The following KHNYN variants were observed in gnomAD, a reference collection of about 807,000 sequenced individuals.
KHNYN encodes the protein protein KHNYN.
In KHNYN, 42 loss-of-function variants were observed where a neutral mutation model predicts 62.7. That is an observed-to-expected ratio of 0.67 (90% CI 0.52 to 0.87). KHNYN has a LOEUF of 0.87. Among genes scored for constraint, KHNYN ranks in the 40% least tolerant of loss-of-function variants. KHNYN has a pLI of 0.00. For missense variants in KHNYN, 829 were observed against 874.1 expected (o/e 0.95, Z 0.65); for synonymous variants, 347 against 345.6 (o/e 1.00, Z -0.04).
upstream of KHNYN, chr14:24,428,274 T>C (rs2043044032): frequency 6.2e-7 from 1 of 1,613,278 alleles, no homozygotes; most frequent in Non-Finnish European, 8.5e-7. Context: ...TGGGGGCCAG[T>C]GCTGAGGTCA....
chr14:24,432,074 GT>G lies in KHNYN; in HGVS notation c.814del (p.Trp272GlyfsTer31), dbSNP rs1566497862. On this transcript the variant is annotated frameshift_variant, in exon 3 of 8. Transcript: ENST00000553935. LOFTEE classifies it high-confidence loss of function. This position sits in a 1 kb window ranked among gnomAD's most constrained non-coding sequence, Gnocchi z 5.6. ...QGGPREMDWG[W>X]KELPGEEAWE... is the part of the protein sequence containing the mutation. ...GTGGTCCCAGGGAGATGGATTGGGG[GT>G]GGAAGGAGTTGCCTGGGGAAGAGGC... 6.4e-7 allele frequency: 1 copy of G among 1,567,272 alleles called. No individual in the cohort carries two copies. The highest frequency in any genetic ancestry group is 8.7e-7 in the Non-Finnish European group (1 of 1,155,060).
upstream of KHNYN, chr14:24,429,044 G>T: frequency 6.6e-7 from 1 of 1,508,768 alleles, no homozygotes; most frequent in Admixed American, 2.2e-5. Flanking sequence ...GTGTGGCTTG[G>T]CTCCCAACAT....
chr14:24,430,832 C>G lies in KHNYN; in HGVS notation c.102C>G (p.Ile34Met). Residue 34 changes from isoleucine (I) to methionine (M), a missense_variant, in exon 2 of 8, where the codon ATC (isoleucine) becomes ATG (methionine). Ile to Met is a conservative substitution (Grantham distance 10). Transcript: ENST00000553935. ...VREQQPHVER[I>M]FSVGVSVLPK... ...AACAGCAGCCCCATGTGGAGCGCATCTTCAGCGTGGGGGTGAGCGTCCTTC... is the reference window on the plus strand; with the variant it reads ...AACAGCAGCCCCATGTGGAGCGCATGTTCAGCGTGGGGGTGAGCGTCCTTC... 6.2e-7 allele frequency: 1 copy of G among 1,613,280 alleles called. No homozygotes were observed. Among genetic ancestry groups the G allele is most frequent in the South Asian group, 1.1e-5 (1 of 90,804 alleles).
chr14:24,434,981 A>G (rs2043183424), intron 5 of KHNYN, among the ~76,000 whole-genome samples: 2 of 152,176 alleles, frequency 1.3e-5, no homozygotes, highest in African/African-American at 2.4e-5. Flanking sequence ...TTTGTGGGAA[A>G]GGAGAGATTT....
At chr14:24,428,094 G>T, upstream of KHNYN, 1 of 1,357,092 alleles carries the variant, frequency 7.4e-7, no homozygotes, top group Non-Finnish European at 1.0e-6. Context: ...GGCTCTCCCG[G>T]GAGGGCTGAG....
chr14:24,436,166 A>G lies in KHNYN; in HGVS notation c.1672A>G (p.Ile558Val). The G allele has an allele frequency of 6.2e-7, 1 of 1,613,564 alleles. No individual in the cohort carries two copies. The highest frequency in any genetic ancestry group is 8.5e-7 in the Non-Finnish European group (1 of 1,179,548). ...LAEESEKWMA[I>V]IRERLLPFTF... ...GGAGGAGTCTGAGAAGTGGATGGCA[A>G]TCATCAGAGAACGGTGAGGGAGCCC... The change falls in exon 6 of 8, where the codon ATC becomes GTC. Residue 558 changes from isoleucine (I) to valine (V), a missense_variant. Transcript: ENST00000553935.
chr14:24,428,050 C>T, upstream of KHNYN: 1 of 1,525,452 alleles, frequency 6.6e-7, no homozygotes, highest in Non-Finnish European at 8.9e-7. Flanking sequence ...CCCACTTTCC[C>T]AGGAGCTTCC....
rs1264437936 is a variant in KHNYN, at chr14:24,437,134, T to C, written c.1886T>C (p.Ile629Thr). The C allele has an allele frequency of 1.2e-6, 2 of 1,614,140 alleles. No homozygotes were observed. The highest frequency in any genetic ancestry group is 1.7e-6 in the Non-Finnish European group (2 of 1,180,020). ...GAAGAGGAAAAAGGTAGTGGTGGCA[T>C]TCGGAAGACCCGGGAAACAGAGCGG... The part of the protein sequence containing the change: ...GREEEKGSGG[I>T]RKTRETERLR... The change falls in exon 8 of 8, where the codon ATT becomes ACT. Residue 629 changes from isoleucine (I) to threonine (T), a missense_variant. Around this residue, in one of 2 missense-constraint regions of KHNYN, gnomAD observed 270 missense variants for 347.1 expected, o/e 0.78. Coordinates refer to ENST00000553935, the MANE Select transcript of KHNYN (RefSeq NM_015299.3). The surrounding 1 kb of genome is among the most constrained non-coding windows in gnomAD (Gnocchi z 5.5).
upstream of KHNYN, chr14:24,428,941 G>A (rs371680375): frequency 9.6e-6 from 15 of 1,554,626 alleles, no homozygotes; most frequent in African/African-American, 2.7e-5. Flanking sequence ...CCAGCAGGAC[G>A]GGCTCTGACC....
At position 24,441,839 on chromosome 14, in the gene KHNYN, G is replaced by T; in HGVS notation, c.*4554G>T. The T allele has an allele frequency of 6.3e-7, 1 of 1,583,174 alleles. No individual in the cohort carries two copies. The highest frequency in any genetic ancestry group is 8.6e-7 in the Non-Finnish European group (1 of 1,164,508). ...AAATAAAAAGCCACTAAATACATAA[G>T]TGCACATATCCCTCTCTCTGTCTTT... On this transcript the variant is annotated 3_prime_UTR_variant, in exon 8 of 8. Transcript: ENST00000553935.
chr14:24,424,733 C>A (rs943019252), upstream of KHNYN, among the ~76,000 whole-genome samples: 21 of 152,274 alleles, frequency 1.4e-4, no homozygotes, highest in Middle Eastern at 3.4e-3. Context: ...GGGCTAGGAC[C>A]TAAGTCCTAC....
intron 5 of KHNYN, among the ~76,000 whole-genome samples, chr14:24,435,116 G>A (rs2043185641): frequency 6.6e-6 from 1 of 152,186 alleles, no homozygotes; most frequent in Admixed American, 6.5e-5. Context: ...ACTGAATGGA[G>A]CCCAGGCATT....
Position 24,439,430 on chromosome 14 carries a change from T to TG in KHNYN, c.*2146dup, listed in dbSNP as rs2043258755. ...ACCACTGTGTGGTTAGTAATGCACT[T>TG]GCCATTTGGTGACACAGACTGAAGG... On this transcript the variant is annotated 3_prime_UTR_variant, in exon 8 of 8. Transcript: ENST00000553935. The TG allele has an allele frequency of 6.6e-6, 1 of 152,232 alleles. No homozygotes were observed. The highest frequency in any genetic ancestry group is 2.4e-5 in the African/African-American group (1 of 41,448). 9.4% of individuals were successfully genotyped at this position (152,232 alleles called of 1,614,324 possible). A position where few individuals can be genotyped will look rare whatever the true frequency, so the allele number is the denominator to read the frequency against.
chr14:24,436,623 T>A, intron 7 of KHNYN, 134 bp downstream of exon 7: 1 of 646,618 alleles, frequency 1.5e-6, no homozygotes, highest in Non-Finnish European at 2.6e-6. Flanking sequence ...TGCATTGGCC[T>A]TGGCCTTTAT....
upstream of KHNYN, chr14:24,428,350 G>A (rs146562304): frequency 1.9e-6 from 3 of 1,613,976 alleles, no homozygotes; most frequent in Admixed American, 5.0e-5. Context: ...ACCCCGGACA[G>A]GGGCTACGAA....
intron 5 of KHNYN, 171 bp from the exon 6 acceptor site, chr14:24,435,901 T>G: frequency 7.8e-4 from 470 of 604,906 alleles, no homozygotes; most frequent in East Asian, 1.0e-3. Flanking sequence ...TTGCTGTGGT[T>G]TTTACTTTTA....
In KHNYN at chr14:24,432,660, A is replaced by T; in HGVS notation, c.1349+50A>T. The stretch of plus-strand genomic sequence containing the variant: ...CCTAGGAGAGGGAGGATATGTCCTG[A>T]GGGGCTGGCATTGTAGCCAGGGTGC... On this transcript the variant is annotated intron_variant, in intron 3 of 7. Coordinates refer to ENST00000553935, the MANE Select transcript of KHNYN (RefSeq NM_015299.3). The surrounding 1 kb of genome is among the most constrained non-coding windows in gnomAD (Gnocchi z 5.6). The T allele has an allele frequency of 1.9e-6, 3 of 1,613,274 alleles. No individual in the cohort carries two copies. The highest frequency in any genetic ancestry group is 2.5e-6 in the Non-Finnish European group (3 of 1,179,550).
chr14:24,432,406 TG>T lies in KHNYN; in HGVS notation c.1150del (p.Asp384ThrfsTer27). On this transcript the variant is annotated frameshift_variant, in exon 3 of 8. Coordinates refer to ENST00000553935, the MANE Select transcript of KHNYN (RefSeq NM_015299.3). LOFTEE classifies it high-confidence loss of function. This position sits in a 1 kb window ranked among gnomAD's most constrained non-coding sequence, Gnocchi z 5.6. Reference sequence around the variant, plus strand: ...GGTGACTGCGGAGACCGGGGAGACGTGGGGGACAGGGGAGACAAGCAGCAGG... The same window carrying T: ...GGTGACTGCGGAGACCGGGGAGACGTGGGGACAGGGGAGACAAGCAGCAGG... ...DRGDCGDRGDVGDRGDKQQGM... is the reference protein window; with the variant it reads ...DRGDCGDRGDXGDRGDKQQGM... The T allele has an allele frequency of 6.2e-7, 1 of 1,612,420 alleles. No homozygotes were observed.
upstream of KHNYN, chr14:24,428,012 C>T (rs773073895): frequency 2.1e-5 from 34 of 1,605,656 alleles, no homozygotes; most frequent in South Asian, 3.7e-4. Context: ...CAGTTAGCCC[C>T]CATTCCCCAG....
Sources: gnomAD v4.1 joint callset for allele counts (sites outside exome capture counted in the v4.1 genomes callset) on GRCh38, gnomAD v4.1.1 for gene constraint, gnomAD v4.1.1 regional missense constraint, Gnocchi (gnomAD v3.1) non-coding constraint, MANE v1.5 for transcripts, NCBI Gene and HGNC (gene_info 2026-07-23, HGNC 2026-07-21) for gene names.